CADM1: variants seen among roughly 807,000 people sequenced by gnomAD.
The protein encoded by CADM1 is TSLC-1.
CADM1 carries 15 observed loss-of-function variants against 53.1 expected under a neutral mutation model. The ratio of observed to expected loss-of-function variants is 0.28; its 90% CI spans 0.19 to 0.44. The LOEUF is 0.44. CADM1 is among the 20% of genes least tolerant of loss of function. The pLI, the probability that CADM1 is intolerant of heterozygous loss-of-function variation, is 1.00. For synonymous variants in CADM1, 281 were observed against 243.0 expected, an observed-to-expected ratio of 1.16 and a Z score of -1.45; for missense variants, 434 against 611.3, an observed-to-expected ratio of 0.71 and a Z score of 3.06.
chr11:115,388,367 A>G (rs1418588688), intron 1 of CADM1, among the ~76,000 whole-genome samples: 2 of 152,066 alleles, frequency 1.3e-5, no homozygotes, highest in African/African-American at 2.4e-5. Context: ...CATAGAAAAG[A>G]CTGGTTCAAG....
At chr11:115,411,229 A>C (rs1481166739) in intron 1 of CADM1, among the ~76,000 whole-genome samples, 1 of 152,218 alleles carries the variant, frequency 6.6e-6, no homozygotes, top group Non-Finnish European at 1.5e-5. Context: ...TAACGACTAC[A>C]CTAACAAGAT....
In CADM1 at chr11:115,179,913, C is replaced by T. The variant is rs143757219; in HGVS notation, c.1166-1138G>A. 2.1e-3 allele frequency among the ~76,000 whole-genome samples: 314 copies of T among 152,236 alleles called. 1 individual carries two copies. Among genetic ancestry groups the T allele is most frequent in the African/African-American group, 7.3e-3 (302 of 41,534 alleles). On this transcript the variant is annotated intron_variant, in intron 10 of 11. Transcript: ENST00000331581. ...AGCACATGGCCTATAAATCTGTCCCCCTTGCAGTTGCTGGATGCCTAAGAG... is the reference window on the plus strand; with the variant it reads ...AGCACATGGCCTATAAATCTGTCCCTCTTGCAGTTGCTGGATGCCTAAGAG...
At chr11:115,336,816 T>C (rs1215535089) in intron 1 of CADM1, among the ~76,000 whole-genome samples, 1 of 152,186 alleles carries the variant, frequency 6.6e-6, no homozygotes, top group Non-Finnish European at 1.5e-5. Flanking sequence ...GTTAACATTT[T>C]ACATGGCATC....
At chr11:115,393,057 C>CA (rs1345251705) in intron 1 of CADM1, among the ~76,000 whole-genome samples, 2 of 119,166 alleles carry the variant, frequency 1.7e-5, no homozygotes, top group Non-Finnish European at 3.3e-5. Flanking sequence ...AGCGAGACCC[C>CA]ATCTCTTCCA....
At position 115,401,758 on chromosome 11, in the gene CADM1, GACA is replaced by G. The variant is rs2135216694; in HGVS notation, c.124+102510_124+102512del. ...TACCTTTGTTGAAACCGACAGAATGGACAACACCAAGAGTGAACCCTGATGTAA... is the reference window on the plus strand; with the variant it reads ...TACCTTTGTTGAAACCGACAGAATGGACACCAAGAGTGAACCCTGATGTAA... On this transcript the variant is annotated intron_variant, in intron 1 of 11. Coordinates refer to ENST00000331581, the MANE Select transcript of CADM1 (RefSeq NM_001301043.2). Among the ~76,000 whole-genome samples, 4 of 152,268 alleles carry G rather than the reference GACA, an allele frequency of 2.6e-5. 1 individual carries two copies. The highest frequency in any genetic ancestry group is 9.6e-5 in the African/African-American group (4 of 41,552).
At chr11:115,386,963 T>C (rs902484578) in intron 1 of CADM1, among the ~76,000 whole-genome samples, 47 of 152,142 alleles carry the variant, frequency 3.1e-4, no homozygotes, top group Non-Finnish European at 2.1e-4. Context: ...AAGTAAAATA[T>C]AAAAACAACA....
chr11:115,227,427 A>G (rs1280380206), intron 5 of CADM1, among the ~76,000 whole-genome samples: 1 of 152,154 alleles, frequency 6.6e-6, no homozygotes, highest in Non-Finnish European at 1.5e-5. Context: ...TTCTGGGAAA[A>G]TACTGAAAGA....
rs747760224 is a variant in CADM1 at position 115,240,374 on chromosome 11, T to C, written c.171A>G (p.Gly57=). The change falls in exon 2 of 12, where the codon GGA becomes GGG. Residue 57 remains glycine, a synonymous_variant. Transcript: ENST00000331581. The part of the protein sequence containing the change: ...LFTKDVTVIE[G]EVATISCQVN... The stretch of plus-strand genomic sequence containing the variant: ...CTTGGCAACTGATGGTCGCAACCTC[T>C]CCCTCGATCACTGTCACGTCTTTCG... The C allele has an allele frequency of 1.2e-6, 2 of 1,613,696 alleles. No homozygotes were observed. The highest frequency in any genetic ancestry group is 1.1e-5 in the South Asian group (1 of 91,070).
intron 1 of CADM1, among the ~76,000 whole-genome samples, chr11:115,295,551 A>AT (rs1944055221): frequency 7.5e-5 from 3 of 40,212 alleles, no homozygotes; most frequent in South Asian, 5.9e-4. Context: ...TATATATATA[A>AT]TATATATGTA....
intron 1 of CADM1, among the ~76,000 whole-genome samples, chr11:115,328,680 GTATATATATGTGTATATATATGTA>G (rs768440329): frequency 0.59 from 20,925 of 35,740 alleles, 6,624 homozygotes; most frequent in Middle Eastern, 0.71. Flanking sequence ...ATATATATGT[GTATATATATGTGTATATATATGTA>G]TATATATATG....
intron 1 of CADM1, among the ~76,000 whole-genome samples, chr11:115,394,869 A>C (rs977379478): frequency 7.2e-5 from 11 of 152,192 alleles, no homozygotes; most frequent in African/African-American, 2.7e-4. Context: ...AAACAAAACA[A>C]AACGCTAGAG....
intron 1 of CADM1, among the ~76,000 whole-genome samples, chr11:115,339,312 A>G (rs1274613073): frequency 6.6e-6 from 1 of 152,098 alleles, no homozygotes; most frequent in African/African-American, 2.4e-5. Context: ...TCATGCTGCT[A>G]TAAAGACACA....
intron 9 of CADM1, among the ~76,000 whole-genome samples, chr11:115,196,896 T>C (rs1940185081): frequency 6.6e-6 from 1 of 152,212 alleles, no homozygotes; most frequent in Non-Finnish European, 1.5e-5. Flanking sequence ...TGATGAAATC[T>C]ACAAATAACT....
At chr11:115,389,333 A>G (rs1946777088) in intron 1 of CADM1, among the ~76,000 whole-genome samples, 1 of 152,206 alleles carries the variant, frequency 6.6e-6, no homozygotes, top group African/African-American at 2.4e-5. Context: ...GTCTTCACTC[A>G]CACAGCCTTG....
At chr11:115,308,956 C>T (rs1944463078) in intron 1 of CADM1, among the ~76,000 whole-genome samples, 1 of 152,020 alleles carries the variant, frequency 6.6e-6, no homozygotes, top group Non-Finnish European at 1.5e-5. Flanking sequence ...TTCAGTTAAA[C>T]TATGTGTTAC....
intron 1 of CADM1, among the ~76,000 whole-genome samples, chr11:115,272,631 G>A (rs1425123062): frequency 6.6e-6 from 1 of 151,422 alleles, no homozygotes; most frequent in Non-Finnish European, 1.5e-5. Flanking sequence ...GTATTTTTCA[G>A]AAATATTGAG....
chr11:115,449,251 CTAGAT>C (rs1182017108), intron 1 of CADM1, among the ~76,000 whole-genome samples: 1 of 152,136 alleles, frequency 6.6e-6, no homozygotes, highest in African/African-American at 2.4e-5. Flanking sequence ...CTTTTTCAAC[CTAGAT>C]TAAATTACTG....
chr11:115,244,605 C>T (rs1248217743), intron 1 of CADM1, among the ~76,000 whole-genome samples: 2 of 152,296 alleles, frequency 1.3e-5, no homozygotes, highest in Admixed American at 6.5e-5. Flanking sequence ...TGATGTCATT[C>T]AGCTAAGTGG....
intron 1 of CADM1, among the ~76,000 whole-genome samples, chr11:115,323,483 TGATTA>T (rs1389725388): frequency 1.3e-5 from 2 of 152,070 alleles, no homozygotes; most frequent in African/African-American, 4.8e-5. Context: ...AAATTTCACT[TGATTA>T]GATAGCTCTT....
Sources: gnomAD v4.1 joint callset for allele counts (sites outside exome capture counted in the v4.1 genomes callset) on GRCh38, gnomAD v4.1.1 for gene constraint, MANE v1.5 for transcripts, NCBI Gene and HGNC (gene_info 2026-07-23, HGNC 2026-07-21) for gene names.